Variants in MCTP1 observed in about 807,000 individuals in gnomAD.
MCTP1 encodes multiple C2 and transmembrane domain-containing protein 1.
In MCTP1, 69 loss-of-function variants were observed where a neutral mutation model predicts 120.6. That is an observed-to-expected ratio of 0.57 (90% CI 0.47 to 0.70). MCTP1 has a LOEUF of 0.70. Ranked by LOEUF, MCTP1 falls within the 30% of genes least tolerant of loss-of-function variation. MCTP1 has a pLI of 0.00. For missense variants in MCTP1, 1,203 were observed against 1,248.8 expected, an observed-to-expected ratio of 0.96 and a Z score of 0.55; for synonymous variants, 529 against 493.1, an observed-to-expected ratio of 1.07 and a Z score of -0.96.
intron 1 of MCTP1, among the ~76,000 whole-genome samples, chr5:95,199,275 C>A (rs922280917): frequency 6.7e-5 from 10 of 150,094 alleles, no homozygotes; most frequent in African/African-American, 2.5e-4. Flanking sequence ...AAAAACTCTA[C>A]AACATTTCTT....
intron 1 of MCTP1, among the ~76,000 whole-genome samples, chr5:95,272,521 G>A (rs972721674): frequency 6.6e-6 from 1 of 152,196 alleles, no homozygotes; most frequent in African/African-American, 2.4e-5. Context: ...ATCCTCTCAT[G>A]GCAAATTCCA....
chr5:95,213,244 G>C (rs1370472773), intron 1 of MCTP1, among the ~76,000 whole-genome samples: 1 of 152,128 alleles, frequency 6.6e-6, no homozygotes, highest in Non-Finnish European at 1.5e-5. Context: ...GCCAAATCAT[G>C]AGTGAACTCC....
At chr5:95,176,554 T>C (rs1748004924) in intron 1 of MCTP1, among the ~76,000 whole-genome samples, 1 of 152,122 alleles carries the variant, frequency 6.6e-6, no homozygotes, top group African/African-American at 2.4e-5. Context: ...AGTATTGATA[T>C]AAAGTCTTTT....
intron 1 of MCTP1, among the ~76,000 whole-genome samples, chr5:95,121,787 C>T (rs1434687843): frequency 6.6e-6 from 1 of 151,794 alleles, no homozygotes; most frequent in Non-Finnish European, 1.5e-5. Context: ...TAAAAAGAGA[C>T]ACATGGATCA....
At chr5:94,816,943 C>T (rs574291101) in intron 17 of MCTP1, among the ~76,000 whole-genome samples, 1 of 152,142 alleles carries the variant, frequency 6.6e-6, no homozygotes, top group Non-Finnish European at 1.5e-5. Flanking sequence ...CTTACTTCCT[C>T]CCCATTTTAA....
intron 1 of MCTP1, chr5:95,154,397 T>C (rs560991470): frequency 2.6e-5 from 4 of 151,842 alleles, no homozygotes; most frequent in South Asian, 2.1e-4. Flanking sequence ...ATTTCTACTA[T>C]ATGTTAAATC....
intron 1 of MCTP1, among the ~76,000 whole-genome samples, chr5:95,056,061 T>C (rs13359900): frequency 0.097 from 14,699 of 152,242 alleles, 1,097 homozygotes; most frequent in East Asian, 0.37. Flanking sequence ...GAGTACATAT[T>C]TGACACCAAT....
At chr5:94,894,949 G>A in intron 10 of MCTP1, 114 bp from the exon 11 acceptor site, 1 of 630,388 alleles carries the variant, frequency 1.6e-6, no homozygotes, top group Non-Finnish European at 2.6e-6. Context: ...TTGGACCATT[G>A]GAAGAATACA....
chr5:94,999,574 T>C (rs1833264400), intron 2 of MCTP1, among the ~76,000 whole-genome samples: 1 of 152,214 alleles, frequency 6.6e-6, no homozygotes, highest in Non-Finnish European at 1.5e-5. Flanking sequence ...TTATTTTTCA[T>C]GGCAATACAG....
chr5:95,120,850 G>A (rs4869237), intron 1 of MCTP1, among the ~76,000 whole-genome samples: 151,392 of 152,336 alleles, frequency 0.99, 75,236 homozygotes, highest in Middle Eastern at 1. Context: ...TCAGACCAGA[G>A]AAAGAAACAA....
chr5:95,218,027 A>G (rs1464282104), intron 1 of MCTP1, among the ~76,000 whole-genome samples: 1 of 152,226 alleles, frequency 6.6e-6, no homozygotes, highest in Non-Finnish European at 1.5e-5. Context: ...AGAGGCTTGG[A>G]GATCTAGCCT....
In MCTP1 at chr5:94,912,466, A is replaced by AAAAAAAG. The variant is rs1211529200; in HGVS notation, c.1521+339_1521+340insCTTTTTT. 6.2e-4 allele frequency among the ~76,000 whole-genome samples: 57 copies of AAAAAAAG among 92,098 alleles called. 16 individuals carry two copies. The highest frequency in any genetic ancestry group is 9.8e-4 in the Non-Finnish European group (42 of 42,806). The allele number at this position is 92,098 out of a possible 152,430, so 60.4% of individuals were successfully genotyped here. ...AAAAAAAAAAAAAAAAAAAAAAAAA[A>AAAAAAAG]GCCGCACTCTGAGTACTTTATGTGC... On this transcript the variant is annotated intron_variant, in intron 9 of 22. Transcript: ENST00000515393.
At chr5:95,123,725 C>G (rs1239072712) in intron 1 of MCTP1, among the ~76,000 whole-genome samples, 1 of 151,418 alleles carries the variant, frequency 6.6e-6, no homozygotes, top group Non-Finnish European at 1.5e-5. Context: ...TCTCGGCTCA[C>G]TGCAAGCTCT....
chr5:94,877,300 A>C (rs1225593455), intron 12 of MCTP1, among the ~76,000 whole-genome samples: 1 of 152,144 alleles, frequency 6.6e-6, no homozygotes, highest in Non-Finnish European at 1.5e-5. Context: ...TGTGTTACCT[A>C]ACTACTATAA....
intron 10 of MCTP1, among the ~76,000 whole-genome samples, chr5:94,896,212 C>T (rs1803941859): frequency 6.6e-6 from 1 of 152,248 alleles, no homozygotes; most frequent in East Asian, 1.9e-4. Context: ...ACCATTCAAA[C>T]ATATTCTCTA....
intron 17 of MCTP1, among the ~76,000 whole-genome samples, chr5:94,863,237 T>C (rs1226615222): frequency 6.6e-6 from 1 of 151,844 alleles, no homozygotes. Flanking sequence ...GGCTTTGTAC[T>C]TGTTTCTCTG....
chr5:94,762,862 G>A (rs923473790), intron 19 of MCTP1, among the ~76,000 whole-genome samples: 1 of 152,154 alleles, frequency 6.6e-6, no homozygotes, highest in African/African-American at 2.4e-5. Flanking sequence ...TAATCTTCCT[G>A]ATACTGGAGC....
intron 1 of MCTP1, chr5:95,038,183 T>A: frequency 2.3e-6 from 2 of 871,870 alleles, no homozygotes; most frequent in Non-Finnish European, 2.8e-6. Context: ...TCCTTCCAGG[T>A]ATAACTAAAA....
chr5:95,007,346 C>T (rs866235972), intron 2 of MCTP1, among the ~76,000 whole-genome samples: 14 of 152,084 alleles, frequency 9.2e-5, no homozygotes, highest in Admixed American at 2.0e-4. Context: ...GGATTGAAAA[C>T]GAAGAGGAAC....
Sources: allele counts gnomAD v4.1 joint callset (sites outside exome capture counted in the v4.1 genomes callset), GRCh38; gene constraint gnomAD v4.1.1; transcripts MANE v1.5; gene names NCBI Gene and HGNC (gene_info 2026-07-23, HGNC 2026-07-21).